The following STAG3 variants were observed in gnomAD, a reference collection of about 807,000 sequenced individuals.
STAG3 encodes cohesin subunit SA-3.
In STAG3, 101 loss-of-function variants were observed where a neutral mutation model predicts 160.7. That is an observed-to-expected ratio of 0.63 (90% CI 0.54 to 0.74). The LOEUF is 0.74. STAG3 is among the 30% of genes least tolerant of loss of function. The pLI is 0.00. For synonymous variants in STAG3, 519 were observed against 585.0 expected (o/e 0.89, Z 1.63); for missense variants, 1,188 against 1,517.4 (o/e 0.78, Z 3.61).
In STAG3 at chr7:100,202,039, C is replaced by T. The variant is rs773837916; in HGVS notation, c.2392C>T (p.Gln798Ter). Residue 798 changes from glutamine to a stop codon, truncating the protein, a stop_gained and splice_region_variant, in exon 23 of 34, where the codon CAG (glutamine) becomes TAG (stop). Transcript: ENST00000615138. LOFTEE classifies it high-confidence loss of function. ...LSDVDTEIQE[Q>*]AFVLLSDLLL... ...AGATGTGGATACTGAGATCCAGGAG[C>T]AGGTGAGTACTGACTCAAGTGGGAG... 1 of 1,614,144 alleles carries T rather than the reference C, an allele frequency of 6.2e-7. No individual in the cohort carries two copies. Among genetic ancestry groups the T allele is most frequent in the Non-Finnish European group, 8.5e-7 (1 of 1,180,004 alleles).
At chr7:100,190,799 C>G (rs1392110434) in intron 8 of STAG3, among the ~76,000 whole-genome samples, 15 of 152,152 alleles carry the variant, frequency 9.9e-5, no homozygotes, top group Non-Finnish European at 5.9e-5. Context: ...TAGCTTATTT[C>G]CCCATTTTCT....
chr7:100,189,043 T>C, intron 7 of STAG3, 27 bp downstream of exon 7: 1 of 1,611,762 alleles, frequency 6.2e-7, no homozygotes, highest in Non-Finnish European at 8.5e-7. Context: ...ACTCTGGACA[T>C]TCTCCTGGGG....
chr7:100,200,634 C>T, intron 18 of STAG3, 92 bp downstream of exon 18: 23 of 1,538,302 alleles, frequency 1.5e-5, no homozygotes, highest in Non-Finnish European at 2.0e-5. Flanking sequence ...AACTTGGGTT[C>T]CAGAAAAATC....
chr7:100,193,961 T>C (rs1246061240), intron 8 of STAG3, among the ~76,000 whole-genome samples: 2 of 143,638 alleles, frequency 1.4e-5, no homozygotes, highest in Non-Finnish European at 3.1e-5. Context: ...TTTTTTTTTC[T>C]TTTTCAGACG....
chr7:100,182,146 G>T lies in STAG3; in HGVS notation c.173G>T (p.Arg58Leu). The T allele has an allele frequency of 1.2e-6, 2 of 1,613,308 alleles. No individual in the cohort carries two copies. The highest frequency in any genetic ancestry group is 1.7e-6 in the Non-Finnish European group (2 of 1,179,804). ...EDTDFEDSLN[R>L]NVKKRAAKRP... The stretch of plus-strand genomic sequence containing the variant: ...ACTGACTTTGAAGACAGCTTGAATC[G>T]CAATGTGAAGAAGAGAGCAGCAAAA... The change falls in exon 3 of 34, where the codon CGC becomes CTC. Residue 58 changes from arginine (R) to leucine (L), a missense_variant. By Grantham distance (102) the Arg-to-Leu change is moderately radical. Transcript: ENST00000615138.
At chr7:100,203,319 G>A (rs903343518) in intron 25 of STAG3, among the ~76,000 whole-genome samples, 2 of 151,750 alleles carry the variant, frequency 1.3e-5, no homozygotes. Context: ...CCAAGTAGCT[G>A]GGATTACAGG....
chr7:100,205,617 G>C (rs1353987273), intron 29 of STAG3, among the ~76,000 whole-genome samples: 1 of 152,106 alleles, frequency 6.6e-6, no homozygotes, highest in African/African-American at 2.4e-5. Context: ...GGCTCACGAG[G>C]TCAGGTGTTC....
At chr7:100,192,654 A>G (rs1034890487) in intron 8 of STAG3, among the ~76,000 whole-genome samples, 3 of 152,210 alleles carry the variant, frequency 2.0e-5, no homozygotes, top group Non-Finnish European at 4.4e-5. Context: ...GTACTGGTGC[A>G]GTCATGGCTC....
intron 1 of STAG3, among the ~76,000 whole-genome samples, chr7:100,178,280 A>G (rs1289379214): frequency 6.6e-6 from 1 of 152,082 alleles, no homozygotes; most frequent in Non-Finnish European, 1.5e-5. Flanking sequence ...TACCTTCTGG[A>G]AAAATAGGAA....
At chr7:100,199,727 T>C (rs1434235421) in intron 16 of STAG3, 83 bp downstream of exon 16, 2 of 1,098,310 alleles carry the variant, frequency 1.8e-6, no homozygotes, top group Non-Finnish European at 2.6e-6. Flanking sequence ...AGGCTGGGGT[T>C]AGGGTGCTCC....
At chr7:100,205,505 G>T (rs111714326) in intron 29 of STAG3, 121 bp downstream of exon 29, 13 of 1,069,428 alleles carry the variant, frequency 1.2e-5, no homozygotes, top group African/African-American at 1.1e-4. Context: ...TTTCTTTCAA[G>T]GTTTATCTAG....
intron 29 of STAG3, among the ~76,000 whole-genome samples, chr7:100,208,739 TGAACAAAAAA>T (rs770946908): frequency 4.6e-5 from 7 of 152,150 alleles, no homozygotes; most frequent in Middle Eastern, 6.8e-3. Context: ...AATACAGCAG[TGAACAAAAAA>T]GCTAAACATC....
At position 100,188,889 on chromosome 7, in the gene STAG3, G is replaced by A; in HGVS notation, c.588G>A (p.Arg196=). The change falls in exon 7 of 34, where the codon AGG becomes AGA. Residue 196 remains arginine, a synonymous_variant. Coordinates refer to ENST00000615138, the MANE Select transcript of STAG3 (RefSeq NM_001282717.2). Reference sequence around the variant, plus strand: ...AGGGCAGCTTCTGTGAATTTGTGAGGACATTGGTCTGTCAGTGCCAGTACA... The same window carrying A: ...AGGGCAGCTTCTGTGAATTTGTGAGAACATTGGTCTGTCAGTGCCAGTACA... The part of the protein sequence containing the change: ...KFQGSFCEFV[R]TLVCQCQYSL... 6.2e-7 allele frequency: 1 copy of A among 1,614,126 alleles called. No homozygotes were observed. The highest frequency in any genetic ancestry group is 1.1e-5 in the South Asian group (1 of 91,078).
At chr7:100,201,697 T>G in intron 21 of STAG3, 89 bp from the exon 22 acceptor site, 3 of 1,135,262 alleles carry the variant, frequency 2.6e-6, no homozygotes, top group Non-Finnish European at 2.7e-6. Flanking sequence ...CTTTACTCAT[T>G]TTCTCTCCTC....
chr7:100,198,998 C>T, intron 14 of STAG3, 41 bp downstream of exon 14: 1 of 1,574,636 alleles, frequency 6.4e-7, no homozygotes, highest in Non-Finnish European at 8.7e-7. Context: ...GTGCATAGGA[C>T]CTACAAGTGG....
downstream of STAG3, chr7:100,214,416 T>G (rs1802586018): frequency 4.1e-6 from 1 of 246,522 alleles, no homozygotes; most frequent in Admixed American, 5.1e-5. Context: ...ATCGTTAAAC[T>G]GATGGAGGTC....
chr7:100,178,791 T>C (rs1454314727), intron 1 of STAG3, among the ~76,000 whole-genome samples: 1 of 151,924 alleles, frequency 6.6e-6, no homozygotes, highest in Admixed American at 6.6e-5. Context: ...CCCTTGGTGC[T>C]TTAGGTCCAC....
At chr7:100,200,637 G>T (rs1319420016) in intron 18 of STAG3, 95 bp downstream of exon 18, 2 of 1,543,704 alleles carry the variant, frequency 1.3e-6, no homozygotes, top group Admixed American at 1.9e-5. Flanking sequence ...TTGGGTTCCA[G>T]AAAAATCAGC....
At chr7:100,195,236 T>A (rs542440953) in intron 8 of STAG3, 73 bp from the exon 9 acceptor site, 3 of 1,373,004 alleles carry the variant, frequency 2.2e-6, no homozygotes, top group Admixed American at 3.4e-5. Context: ...GAAGTTGTAG[T>A]TTTTCTGTAT....
Sources: allele counts gnomAD v4.1 joint callset (sites outside exome capture counted in the v4.1 genomes callset), GRCh38; gene constraint gnomAD v4.1.1; transcripts MANE v1.5; gene names NCBI Gene and HGNC (gene_info 2026-07-23, HGNC 2026-07-21).